The following UNC13B variants were observed in gnomAD, a reference collection of about 807,000 sequenced individuals.
UNC13B encodes the protein unc-13 homolog B.
Under a neutral mutation model 211.0 loss-of-function variants are expected in UNC13B, and 144 were observed. That is an observed-to-expected ratio of 0.68 (90% CI 0.60 to 0.78). The LOEUF (loss-of-function observed/expected upper bound fraction) is 0.78, where lower values mean the gene tolerates loss of function less well. Among genes scored for constraint, UNC13B ranks in the 30% least tolerant of loss-of-function variants. The pLI, the probability that UNC13B is intolerant of heterozygous loss-of-function variation, is 0.00. For missense variants in UNC13B, 1,777 were observed against 2,002.0 expected (o/e 0.89, Z 2.14); for synonymous variants, 709 against 725.8 (o/e 0.98, Z 0.37).
At chr9:35,381,368 C>T (rs1217971222) in intron 19 of UNC13B, among the ~76,000 whole-genome samples, 153 bp downstream of exon 19, 1 of 152,220 alleles carries the variant, frequency 6.6e-6, no homozygotes. Flanking sequence ...AGTGACTGAA[C>T]TCAGACTGCA....
At chr9:35,360,157 G>T (rs773220411) in intron 11 of UNC13B, among the ~76,000 whole-genome samples, 1 of 152,132 alleles carries the variant, frequency 6.6e-6, no homozygotes, top group Non-Finnish European at 1.5e-5. Flanking sequence ...CAGTGAGGCC[G>T]CCCTAACAAC....
chr9:35,381,512 A>T (rs774038531), intron 19 of UNC13B, 44 bp from the exon 20 acceptor site: 2 of 1,568,004 alleles, frequency 1.3e-6, no homozygotes, highest in Non-Finnish European at 8.7e-7. Context: ...TTTGTCTTTC[A>T]TATGTGTTTA....
Position 35,398,944 on chromosome 9 carries a change from G to A in UNC13B, c.11984G>A (p.Gly3995Asp), listed in dbSNP as rs756088760. The A allele has an allele frequency of 6.2e-7, 1 of 1,614,204 alleles. No individual in the cohort carries two copies. Among genetic ancestry groups the A allele is most frequent in the South Asian group, 1.1e-5 (1 of 91,088 alleles). ...GCCGACATCCTGGGCCAGGTTCGGGGCACAGGGAATGCATCTCCAGACGCC... is the reference window on the plus strand; with the variant it reads ...GCCGACATCCTGGGCCAGGTTCGGGACACAGGGAATGCATCTCCAGACGCC... ...QMADILGQVR[G>D]TGNASPDARA... The change falls in exon 33 of 40, where the codon GGC (glycine) becomes GAC (aspartate). Residue 3995 changes from glycine (G) to aspartate (D), a missense_variant. Coordinates refer to ENST00000635942, the MANE Select transcript of UNC13B (RefSeq NM_001371189.2).
At chr9:35,228,883 AT>A (rs1825031833) in intron 2 of UNC13B, among the ~76,000 whole-genome samples, 1 of 152,128 alleles carries the variant, frequency 6.6e-6, no homozygotes, top group South Asian at 2.1e-4. Flanking sequence ...ATTACAAATA[AT>A]AAATGTTCTT....
At chr9:35,203,253 G>A (rs895626941) in intron 1 of UNC13B, among the ~76,000 whole-genome samples, 10 of 152,180 alleles carry the variant, frequency 6.6e-5, no homozygotes, top group African/African-American at 2.4e-4. Context: ...TCCTAGCATC[G>A]ATGGTCTTTA....
intron 22 of UNC13B, chr9:35,385,061 T>C: frequency 1.0e-6 from 1 of 985,458 alleles, no homozygotes; most frequent in Non-Finnish European, 1.2e-6. Context: ...ATATTTGGCA[T>C]ATAAGTAGCC....
intron 1 of UNC13B, among the ~76,000 whole-genome samples, chr9:35,166,203 G>A (rs1193092965): frequency 1.3e-5 from 2 of 152,056 alleles, no homozygotes; most frequent in Non-Finnish European, 1.5e-5. Context: ...CCAACGTGGT[G>A]AAACCCCATC....
intron 36 of UNC13B, among the ~76,000 whole-genome samples, 176 bp from the exon 37 acceptor site, chr9:35,400,120 C>T (rs902416338): frequency 4.6e-5 from 7 of 152,194 alleles, no homozygotes; most frequent in Admixed American, 6.5e-5. Flanking sequence ...TGGCCATCCC[C>T]TACTAATCCT....
intron 1 of UNC13B, among the ~76,000 whole-genome samples, chr9:35,191,006 C>G (rs1822628263): frequency 6.6e-6 from 1 of 152,076 alleles, no homozygotes; most frequent in South Asian, 2.1e-4. Context: ...GTCGCCCAGG[C>G]TGGAGTGCAG....
At chr9:35,360,111 A>C (rs1833310249) in intron 11 of UNC13B, among the ~76,000 whole-genome samples, 1 of 152,036 alleles carries the variant, frequency 6.6e-6, no homozygotes, top group African/African-American at 2.4e-5. Context: ...TGGCTTCTTT[A>C]CTCATTTCTT....
At chr9:35,268,245 G>A (rs1054143415) in intron 7 of UNC13B, among the ~76,000 whole-genome samples, 1 of 152,114 alleles carries the variant, frequency 6.6e-6, no homozygotes, top group African/African-American at 2.4e-5. Context: ...ACCAACAATT[G>A]CTCTCCCAAA....
intron 7 of UNC13B, among the ~76,000 whole-genome samples, chr9:35,291,868 G>A (rs1420050628): frequency 2.0e-5 from 3 of 152,174 alleles, no homozygotes; most frequent in African/African-American, 7.2e-5. Context: ...TGCTTTCTGT[G>A]ATTTGAATCC....
rs564915956 is a variant in UNC13B at position 35,230,103 on chromosome 9, C to T, written c.53-1017C>T. ...TGAGTTTGAAGTTTCAGGCCACCACCTTTGTTTAGTAATCAACTTGTTTAG... is the reference window on the plus strand; with the variant it reads ...TGAGTTTGAAGTTTCAGGCCACCACTTTTGTTTAGTAATCAACTTGTTTAG... On this transcript the variant is annotated intron_variant, in intron 2 of 39. Transcript: ENST00000635942. 3.3e-5 allele frequency among the ~76,000 whole-genome samples: 5 copies of T among 152,268 alleles called. No individual in the cohort carries two copies. In the South Asian group the frequency reaches 1.0e-3, roughly 32 times the overall value.
rs1205231715 is a variant in UNC13B at position 35,382,580 on chromosome 9, T to G, written c.10806+73T>G. Reference sequence around the variant, plus strand: ...AAGTTTGATTTTTTTTTTTTTTTTTTGAGACAGAGTCTCGCTCTGTTGCCC... The same window carrying G: ...AAGTTTGATTTTTTTTTTTTTTTTTGGAGACAGAGTCTCGCTCTGTTGCCC... On this transcript the variant is annotated intron_variant, in intron 21 of 39. Transcript: ENST00000635942. 3 of 1,389,954 alleles carry G rather than the reference T, an allele frequency of 2.2e-6. No individual in the cohort carries two copies. The South Asian group carries it at 4.1e-5, about 19-fold the overall frequency. 86.1% of individuals were successfully genotyped at this position (1,389,954 alleles called of 1,614,324 possible).
intron 11 of UNC13B, among the ~76,000 whole-genome samples, chr9:35,338,623 A>G (rs1329124067): frequency 2.0e-5 from 3 of 152,198 alleles, no homozygotes; most frequent in Non-Finnish European, 2.9e-5. Context: ...GTGTGACTAT[A>G]TGTCAGCTTT....
rs1830650444 is a variant in UNC13B at position 35,319,790 on chromosome 9, CT to C, written c.9414+5802del. On this transcript the variant is annotated intron_variant, in intron 11 of 39. Transcript: ENST00000635942. ...CCCTTCACCTCAGCCTCCCAAGTAG[CT>C]GGGACCACAGGCATGTGCCACTTAT... is the stretch of plus-strand genomic sequence containing the variant. Among the ~76,000 whole-genome samples the C allele has an allele frequency of 3.3e-5, 5 of 152,142 alleles. No homozygotes were observed. The South Asian group carries it at 1.0e-3, about 32-fold the overall frequency.
chr9:35,365,963 G>T (rs965191784), intron 11 of UNC13B, among the ~76,000 whole-genome samples: 7 of 148,878 alleles, frequency 4.7e-5, no homozygotes, highest in African/African-American at 1.8e-4. Flanking sequence ...ATTCTCCTCT[G>T]TATTGCCTCA....
At chr9:35,180,601 G>T (rs958897173) in intron 1 of UNC13B, among the ~76,000 whole-genome samples, 2 of 152,046 alleles carry the variant, frequency 1.3e-5, no homozygotes, top group African/African-American at 4.8e-5. Context: ...ATGGGCTTTT[G>T]AATCTGTTTC....
intron 1 of UNC13B, among the ~76,000 whole-genome samples, chr9:35,201,217 G>A (rs1244033459): frequency 1.3e-5 from 2 of 152,250 alleles, no homozygotes; most frequent in African/African-American, 2.4e-5. Context: ...GCTTTTAGAT[G>A]TGCTGCTGGA....
Sources: allele counts gnomAD v4.1 joint callset (sites outside exome capture counted in the v4.1 genomes callset), GRCh38; gene constraint gnomAD v4.1.1; transcripts MANE v1.5; gene names NCBI Gene and HGNC (gene_info 2026-07-23, HGNC 2026-07-21).